The following GFOD2 variants were observed in gnomAD, a reference collection of about 807,000 sequenced individuals.
GFOD2 encodes glucose-fructose oxidoreductase domain-containing protein 2.
In GFOD2, 9 loss-of-function variants were observed where a neutral mutation model predicts 24.6. The observed-to-expected ratio is 0.37, with a 90% CI of 0.22 to 0.64. GFOD2 has a LOEUF of 0.64. Among genes scored for constraint, GFOD2 ranks in the 30% least tolerant of loss-of-function variants. The probability of loss-of-function intolerance (pLI) is 0.65; values close to 1 mark genes in which losing one functional copy is unlikely to be tolerated. For synonymous variants in GFOD2, 211 were observed against 224.8 expected, an observed-to-expected ratio of 0.94 and a Z score of 0.55; for missense variants, 476 against 532.5, an observed-to-expected ratio of 0.89 and a Z score of 1.04.
intron 1 of GFOD2, among the ~76,000 whole-genome samples, chr16:67,700,158 G>C (rs774012660): frequency 6.6e-6 from 1 of 151,968 alleles, no homozygotes; most frequent in Non-Finnish European, 1.5e-5. Context: ...CAGATTGCCT[G>C]AGCTCAGGAG....
intron 2 of GFOD2, among the ~76,000 whole-genome samples, chr16:67,680,003 C>T (rs2053213595): frequency 6.6e-6 from 1 of 152,134 alleles, no homozygotes; most frequent in Non-Finnish European, 1.5e-5. Context: ...TCAAACAGAG[C>T]CTTCCTCCCA....
At chr16:67,718,281 C>G (rs1409138358) in intron 1 of GFOD2, among the ~76,000 whole-genome samples, 1 of 152,216 alleles carries the variant, frequency 6.6e-6, no homozygotes, top group Non-Finnish European at 1.5e-5. Context: ...CTAGTTCTTT[C>G]TGGACATTTA....
chr16:67,685,072 C>A, intron 2 of GFOD2: 1 of 1,181,018 alleles, frequency 8.5e-7, no homozygotes, highest in Non-Finnish European at 1.1e-6. Flanking sequence ...CACAGCCTCT[C>A]CTTCCTGTGG....
chr16:67,688,734 CT>C (rs113977188), intron 1 of GFOD2, among the ~76,000 whole-genome samples: 1,362 of 131,088 alleles, frequency 0.01, 7 homozygotes, highest in African/African-American at 0.032. Context: ...ATAAAATTTA[CT>C]TTTTTTTTTT....
intron 1 of GFOD2, among the ~76,000 whole-genome samples, chr16:67,712,139 T>C (rs1248350876): frequency 6.6e-6 from 1 of 152,124 alleles, no homozygotes; most frequent in Non-Finnish European, 1.5e-5. Context: ...TCCTGCACAG[T>C]CAATAAACTA....
chr16:67,712,912 T>G lies in GFOD2; in HGVS notation c.-88+6251A>C, dbSNP rs1255482200. ...CTGCCCGGCCGCCCATCGTCTGAGA[T>G]GTGGGGAGCACCTCTGCCCCGCCGC... On this transcript the variant is annotated intron_variant, in intron 1 of 2. Transcript: ENST00000268797. Among the ~76,000 whole-genome samples the G allele has an allele frequency of 4.3e-5, 5 of 117,458 alleles. 1 individual carries two copies. The highest frequency in any genetic ancestry group is 8.0e-5 in the Non-Finnish European group (5 of 62,616). 77.1% of individuals were successfully genotyped at this position (117,458 alleles called of 152,430 possible).
chr16:67,678,483 AAAAAAAAAAAAG>A (rs1235010954), intron 2 of GFOD2, among the ~76,000 whole-genome samples: 2 of 151,816 alleles, frequency 1.3e-5, no homozygotes, highest in East Asian at 1.9e-4. Flanking sequence ...TCTCAAAAAA[AAAAAAAAAAAAG>A]AAAAAGAAAA....
intron 1 of GFOD2, among the ~76,000 whole-genome samples, chr16:67,693,535 T>C (rs2053332566): frequency 1.3e-5 from 2 of 152,020 alleles, no homozygotes; most frequent in African/African-American, 4.8e-5. Context: ...GCCTCCCAAA[T>C]TGCTGGGATT....
At chr16:67,683,214 G>A in intron 2 of GFOD2, 3 of 1,035,774 alleles carry the variant, frequency 2.9e-6, no homozygotes, top group Non-Finnish European at 3.5e-6. Context: ...TGATGCTGCT[G>A]CTGGTGGAGC....
chr16:67,676,350 C>T (rs1374784100), intron 2 of GFOD2: 2 of 346,974 alleles, frequency 5.8e-6, no homozygotes, highest in East Asian at 6.3e-5. Context: ...AGGCAGGGCC[C>T]AAGTGATCCT....
At chr16:67,683,580 G>A in intron 2 of GFOD2, 1 of 1,231,736 alleles carries the variant, frequency 8.1e-7, no homozygotes, top group Admixed American at 4.2e-5. Context: ...CTCAGAGAGA[G>A]CTCTCTGGAA....
chr16:67,697,244 A>G (rs2053365409), intron 1 of GFOD2, among the ~76,000 whole-genome samples: 1 of 152,168 alleles, frequency 6.6e-6, no homozygotes, highest in African/African-American at 2.4e-5. Flanking sequence ...AAATGGGGAA[A>G]TTTTATCTAC....
At position 67,686,290 on chromosome 16, in the gene GFOD2, A is replaced by G. The variant is rs190895731; in HGVS notation, c.-87-488T>C. 1.1e-4 allele frequency among the ~76,000 whole-genome samples: 17 copies of G among 151,918 alleles called. No individual in the cohort carries two copies. The East Asian group carries it at 3.3e-3, about 30-fold the overall frequency. ...CAGTGCAAGACCTTGTCTCAAAAGA[A>G]AAAAGAAATACTGTTCCAAGATGAA... On this transcript the variant is annotated intron_variant, in intron 1 of 2. Coordinates refer to ENST00000268797, the MANE Select transcript of GFOD2 (RefSeq NM_030819.4).
rs372735909 is a variant in GFOD2, at chr16:67,675,115, C to A, written c.*40G>T. The A allele has an allele frequency of 4.5e-6, 7 of 1,570,524 alleles. No individual in the cohort carries two copies. Among genetic ancestry groups the A allele is most frequent in the Non-Finnish European group, 6.1e-6 (7 of 1,156,052 alleles). ...TCATGTCTGGCTCCTGTTCCCCTCC[C>A]TGGTCCCTCTGCCCTGTGGCAAGGA... On this transcript the variant is annotated 3_prime_UTR_variant, in exon 3 of 3. Coordinates refer to ENST00000268797, the MANE Select transcript of GFOD2 (RefSeq NM_030819.4).
At position 67,699,378 on chromosome 16, in the gene GFOD2, A is replaced by T. The variant is rs558814200; in HGVS notation, c.-87-13576T>A. ...AACAAAACAAAAATAAATAAAAATT[A>T]AAAAAAAAATACACCATGACCAACA... On this transcript the variant is annotated intron_variant, in intron 1 of 2. Transcript: ENST00000268797. 9.8e-4 allele frequency among the ~76,000 whole-genome samples: 147 copies of T among 150,058 alleles called. 1 individual carries two copies. The highest frequency in any genetic ancestry group is 1.6e-3 in the Non-Finnish European group (106 of 67,330).
At chr16:67,700,816 C>T (rs890365210) in intron 1 of GFOD2, among the ~76,000 whole-genome samples, 142 of 145,742 alleles carry the variant, frequency 9.7e-4, no homozygotes, top group African/African-American at 3.1e-3. Context: ...GCGGATCACC[C>T]GAGATCAGGA....
rs7185178 is a variant in GFOD2 at position 67,694,507 on chromosome 16, C to T, written c.-87-8705G>A. Among the ~76,000 whole-genome samples, 675 of 152,018 alleles carry T rather than the reference C, an allele frequency of 4.4e-3. 6 individuals are homozygous for T. Among genetic ancestry groups the T allele is most frequent in the African/African-American group, 0.015 (629 of 41,454 alleles). On this transcript the variant is annotated intron_variant, in intron 1 of 2. Coordinates refer to ENST00000268797, the MANE Select transcript of GFOD2 (RefSeq NM_030819.4). ...TAGAGGCAGCATCTTACTATGTTGC[C>T]CAGGCTGGTCTTAAATTCCTGGCTT...
intron 1 of GFOD2, among the ~76,000 whole-genome samples, chr16:67,705,354 T>C (rs1046918046): frequency 1.3e-5 from 2 of 152,132 alleles, no homozygotes; most frequent in South Asian, 2.1e-4. Flanking sequence ...ATTACAGGCA[T>C]GTGCCACCAT....
intron 2 of GFOD2, among the ~76,000 whole-genome samples, chr16:67,679,915 A>C (rs545425706): frequency 5.4e-4 from 82 of 152,134 alleles, no homozygotes; most frequent in South Asian, 1.2e-3. Flanking sequence ...ACAACAACAA[A>C]AAAAAACAGG....
Sources: gnomAD v4.1 joint callset for allele counts (sites outside exome capture counted in the v4.1 genomes callset) on GRCh38, gnomAD v4.1.1 for gene constraint, MANE v1.5 for transcripts, NCBI Gene and HGNC (gene_info 2026-07-23, HGNC 2026-07-21) for gene names.